The following MED13L variants were observed in gnomAD, a reference collection of about 807,000 sequenced individuals.
The protein encoded by MED13L is mediator complex subunit 13L.
In MED13L, 7 loss-of-function variants were observed where a neutral mutation model predicts 220.9. That is an observed-to-expected ratio of 0.03 (90% CI 0.02 to 0.06). The LOEUF is 0.06. Ranked by LOEUF, MED13L falls within the 10% of genes least tolerant of loss-of-function variation. MED13L has a pLI of 1.00. For synonymous variants in MED13L, 1,011 were observed against 1,015.2 expected (o/e 1.00, Z 0.08); for missense variants, 1,965 against 2,760.5 (o/e 0.71, Z 6.46).
intron 2 of MED13L, among the ~76,000 whole-genome samples, chr12:116,208,095 A>G (rs1882465814): frequency 6.6e-6 from 1 of 152,202 alleles, no homozygotes; most frequent in Non-Finnish European, 1.5e-5. Flanking sequence ...GAAAATTTAA[A>G]CATCGAGAAG....
At chr12:116,098,233 C>T (rs1032437595) in intron 3 of MED13L, among the ~76,000 whole-genome samples, 20 of 150,908 alleles carry the variant, frequency 1.3e-4, no homozygotes, top group Non-Finnish European at 2.1e-4. Flanking sequence ...GCAACAAGAG[C>T]GAAACTCCAT....
At chr12:116,134,041 T>C (rs539180329) in intron 2 of MED13L, among the ~76,000 whole-genome samples, 8 of 152,280 alleles carry the variant, frequency 5.3e-5, no homozygotes, top group African/African-American at 1.7e-4. Flanking sequence ...AAACTACTGG[T>C]CCCTATTGTG....
chr12:116,060,326 C>T (rs1192139505), intron 4 of MED13L, among the ~76,000 whole-genome samples: 1 of 151,954 alleles, frequency 6.6e-6, no homozygotes, highest in Non-Finnish European at 1.5e-5. Flanking sequence ...GCCGGTAATA[C>T]TATCACTTTG....
intron 14 of MED13L, among the ~76,000 whole-genome samples, chr12:116,000,993 T>C (rs1878702931): frequency 6.6e-6 from 1 of 152,182 alleles, no homozygotes; most frequent in Admixed American, 6.5e-5. Context: ...ATTACATTTT[T>C]ATAAAAAAAG....
At chr12:116,094,098 C>T (rs1872469562) in intron 4 of MED13L, among the ~76,000 whole-genome samples, 1 of 152,186 alleles carries the variant, frequency 6.6e-6, no homozygotes, top group Non-Finnish European at 1.5e-5. Flanking sequence ...CACAGCATGA[C>T]TGTCCATTTA....
intron 4 of MED13L, among the ~76,000 whole-genome samples, chr12:116,079,886 G>A (rs186695887): frequency 5.9e-5 from 9 of 152,186 alleles, no homozygotes; most frequent in Non-Finnish European, 1.2e-4. Flanking sequence ...TTGTTAACAG[G>A]TGTTCTGAGA....
chr12:116,124,483 T>C (rs897215978), intron 2 of MED13L, among the ~76,000 whole-genome samples: 1 of 152,228 alleles, frequency 6.6e-6, no homozygotes, highest in African/African-American at 2.4e-5. Flanking sequence ...TTTTCCATTA[T>C]CTTACAACAA....
At chr12:116,164,638 T>TCAAATCACC (rs1879119934) in intron 2 of MED13L, among the ~76,000 whole-genome samples, 1 of 152,168 alleles carries the variant, frequency 6.6e-6, no homozygotes, top group East Asian at 1.9e-4. Context: ...ATAGCTTAAG[T>TCAAATCACC]ATAATTTCAC....
intron 2 of MED13L, among the ~76,000 whole-genome samples, chr12:116,210,120 G>C (rs1882596744): frequency 6.6e-6 from 1 of 152,174 alleles, no homozygotes; most frequent in South Asian, 2.1e-4. Context: ...TTGTGGGAAA[G>C]GGGCAGGCAG....
At chr12:116,108,110 C>CAAAA (rs950410079) in intron 3 of MED13L, among the ~76,000 whole-genome samples, 6 of 141,718 alleles carry the variant, frequency 4.2e-5, no homozygotes, top group Admixed American at 7.1e-5. Context: ...AACAAACAAA[C>CAAAA]AAAAAAAAAA....
chr12:116,170,073 A>G (rs1339756884), intron 2 of MED13L, among the ~76,000 whole-genome samples: 1 of 152,142 alleles, frequency 6.6e-6, no homozygotes, highest in African/African-American at 2.4e-5. Flanking sequence ...TCACATTAAA[A>G]CCCAACAATC....
intron 2 of MED13L, among the ~76,000 whole-genome samples, chr12:116,137,852 ATTT>A (rs5801166): frequency 5.9e-5 from 7 of 118,456 alleles, no homozygotes; most frequent in East Asian, 2.4e-4. Context: ...TAATGAGGTA[ATTT>A]TTTTTTTTTT....
intron 28 of MED13L, among the ~76,000 whole-genome samples, chr12:115,968,034 T>C (rs1876305261): frequency 1.4e-5 from 2 of 141,094 alleles, no homozygotes; most frequent in Non-Finnish European, 3.0e-5. Context: ...TCTAATAAAT[T>C]CAGTGCTGGG....
chr12:116,179,701 T>TA (rs397751996), intron 2 of MED13L, among the ~76,000 whole-genome samples: 9 of 149,916 alleles, frequency 6.0e-5, no homozygotes, highest in African/African-American at 2.0e-4. Flanking sequence ...TTTTTTTTTT[T>TA]AAAGGTTACA....
At chr12:116,239,040 A>G (rs1256949958) in intron 1 of MED13L, among the ~76,000 whole-genome samples, 1 of 152,198 alleles carries the variant, frequency 6.6e-6, no homozygotes, top group Non-Finnish European at 1.5e-5. Context: ...GGTTGCAGTG[A>G]GCCGAGATCG....
intron 3 of MED13L, among the ~76,000 whole-genome samples, chr12:116,111,029 C>T (rs1026217581): frequency 3.3e-5 from 5 of 152,036 alleles, no homozygotes; most frequent in Non-Finnish European, 7.4e-5. Context: ...AATTGAACTA[C>T]GGGTTAGATA....
At chr12:115,974,174 T>C (rs979988883) in intron 25 of MED13L, among the ~76,000 whole-genome samples, 4 of 152,228 alleles carry the variant, frequency 2.6e-5, no homozygotes, top group African/African-American at 9.6e-5. Flanking sequence ...TAGAGCCGCT[T>C]TGACGTTACA....
rs145168155 is a variant in MED13L at position 116,032,404 on chromosome 12, G to A, written c.480-9803C>T. Reference sequence around the variant, plus strand: ...GATAATAATGACTCAAGGACAAAGAGGCCAATGGAACAGAACAGGAAACTC... The same window carrying A: ...GATAATAATGACTCAAGGACAAAGAAGCCAATGGAACAGAACAGGAAACTC... On this transcript the variant is annotated intron_variant, in intron 4 of 30. Transcript: ENST00000281928. 8.4e-4 allele frequency among the ~76,000 whole-genome samples: 128 copies of A among 152,176 alleles called. 4 individuals are homozygous for A. The East Asian group carries it at 0.021, about 25-fold the overall frequency.
intron 2 of MED13L, among the ~76,000 whole-genome samples, chr12:116,112,152 A>G (rs966229278): frequency 1.3e-5 from 2 of 152,196 alleles, no homozygotes; most frequent in Admixed American, 1.3e-4. Context: ...CTCCAACACC[A>G]AAAGAATCCA....
Sources: gnomAD v4.1 joint callset for allele counts (sites outside exome capture counted in the v4.1 genomes callset) on GRCh38, gnomAD v4.1.1 for gene constraint, MANE v1.5 for transcripts, NCBI Gene and HGNC (gene_info 2026-07-23, HGNC 2026-07-21) for gene names.